The following ATP13A5 variants were observed in gnomAD, a reference collection of about 807,000 sequenced individuals.
ATP13A5 encodes probable cation-transporting ATPase 13A5.
Under a neutral mutation model 150.2 loss-of-function variants are expected in ATP13A5, and 149 were observed. That is an observed-to-expected ratio of 0.99 (90% confidence interval 0.87 to 1.14). The LOEUF is 1.14. Among genes scored for constraint, ATP13A5 ranks in the 50% most tolerant of loss-of-function variants. The probability of loss-of-function intolerance (pLI) is 0.00; values close to 1 mark genes in which losing one functional copy is unlikely to be tolerated. For missense variants in ATP13A5, 1,383 were observed against 1,449.3 expected, an observed-to-expected ratio of 0.95 and a Z score of 0.74; for synonymous variants, 497 against 522.2, an observed-to-expected ratio of 0.95 and a Z score of 0.66.
chr3:193,286,379 G>A (rs1717723151), intron 26 of ATP13A5, among the ~76,000 whole-genome samples: 2 of 151,948 alleles, frequency 1.3e-5, no homozygotes, highest in Admixed American at 6.6e-5. Flanking sequence ...TCTACAAATT[G>A]AATGTTTGTG....
intron 19 of ATP13A5, 74 bp downstream of exon 19, chr3:193,313,959 G>A (rs1718946377): frequency 1.3e-6 from 2 of 1,511,190 alleles, no homozygotes; most frequent in Admixed American, 1.9e-5. Context: ...CTGGAGTTGA[G>A]AGAAGGCTGA....
intron 17 of ATP13A5, among the ~76,000 whole-genome samples, chr3:193,317,133 T>G (rs919456530): frequency 6.6e-6 from 1 of 152,216 alleles, no homozygotes; most frequent in Non-Finnish European, 1.5e-5. Flanking sequence ...AAAGCTTTTG[T>G]ACCCACCATT....
intron 27 of ATP13A5, 121 bp from the exon 28 acceptor site, chr3:193,279,575 TATATCCTC>T (rs1201682177): frequency 1.4e-6 from 1 of 694,172 alleles, no homozygotes; most frequent in Admixed American, 2.4e-5. Flanking sequence ...GATGTTTTGA[TATATCCTC>T]ATATGTTTTG....
intron 1 of ATP13A5, among the ~76,000 whole-genome samples, chr3:193,378,235 T>C (rs1375800900): frequency 6.6e-6 from 1 of 152,170 alleles, no homozygotes; most frequent in Non-Finnish European, 1.5e-5. Context: ...ATAAAAAGCA[T>C]GACTTCAGCC....
At chr3:193,298,580 C>T (rs1013283136) in intron 25 of ATP13A5, among the ~76,000 whole-genome samples, 8 of 152,110 alleles carry the variant, frequency 5.3e-5, no homozygotes, top group African/African-American at 1.9e-4. Flanking sequence ...TCTGGTGAGG[C>T]AGTCACCTTT....
intron 27 of ATP13A5, among the ~76,000 whole-genome samples, chr3:193,282,119 C>G (rs367574968): frequency 6.6e-6 from 1 of 151,784 alleles, no homozygotes; most frequent in Non-Finnish European, 1.5e-5. Context: ...TGCTTGATCC[C>G]GGGAGGTGAA....
Position 193,301,299 on chromosome 3 carries a change from CG to C in ATP13A5, c.2686del (p.Arg896GlufsTer14). On this transcript the variant is annotated frameshift_variant, in exon 24 of 30. Coordinates refer to ENST00000342358, the MANE Select transcript of ATP13A5 (RefSeq NM_198505.4). LOFTEE classifies it high-confidence loss of function. ...QCVPHLIREGRAALVSSFGVF... is the reference protein window; with the variant it reads ...QCVPHLIREGXAALVSSFGVF... The stretch of plus-strand genomic sequence containing the variant: ...TCCAAAGGATGAAACCAGAGCAGCT[CG>C]GCCTTCTCTGTTTAAAAAGAAATAA... 1 of 1,609,512 alleles carries C rather than the reference CG, an allele frequency of 6.2e-7. No homozygotes were observed.
chr3:193,322,079 G>C (rs1005954585), intron 15 of ATP13A5, among the ~76,000 whole-genome samples: 3 of 152,144 alleles, frequency 2.0e-5, no homozygotes, highest in Non-Finnish European at 2.9e-5. Flanking sequence ...CAAGCTCACA[G>C]GTCATCTCCT....
rs144060676 is a variant in ATP13A5, at chr3:193,362,594, T to G, written c.428A>C (p.Asp143Ala). ...EVQKIRYVWN[D>A]LEKRFQKVGL... ...AACTTTCTGAAACCGCTTCTCCAGG[T>G]CGTTCCAAACATACCTGATTTTCTG... The change falls in exon 4 of 30, where the codon GAC (aspartate) becomes GCC (alanine). Residue 143 changes from aspartate to alanine, a missense_variant. Transcript: ENST00000342358. 46 of 1,614,064 alleles carry G rather than the reference T, an allele frequency of 2.8e-5. No homozygotes were observed. Among genetic ancestry groups the G allele is most frequent in the Non-Finnish European group, 1.3e-5 (15 of 1,180,020 alleles).
At chr3:193,340,716 CT>C (rs1256319527) in intron 9 of ATP13A5, among the ~76,000 whole-genome samples, 1 of 152,170 alleles carries the variant, frequency 6.6e-6, no homozygotes, top group African/African-American at 2.4e-5. Context: ...GACAAAATGC[CT>C]GTATTTAAGG....
intron 2 of ATP13A5, 59 bp from the exon 3 acceptor site, chr3:193,363,441 C>G: frequency 6.8e-7 from 1 of 1,468,746 alleles, no homozygotes; most frequent in Non-Finnish European, 9.3e-7. Context: ...GGTGCTCAAT[C>G]AACCAAATAC....
chr3:193,370,275 T>C (rs764659408), intron 1 of ATP13A5, among the ~76,000 whole-genome samples: 36 of 152,216 alleles, frequency 2.4e-4, no homozygotes, highest in Non-Finnish European at 4.6e-4. Flanking sequence ...AAATCGCAAC[T>C]TAGAGCCAGG....
At chr3:193,331,080 C>G (rs753940986) in intron 12 of ATP13A5, 43 bp downstream of exon 12, 3 of 1,575,666 alleles carry the variant, frequency 1.9e-6, no homozygotes, top group Non-Finnish European at 2.6e-6. Context: ...CTCCACCATG[C>G]CTTGAAATCA....
At chr3:193,328,426 T>A (rs980994764) in intron 12 of ATP13A5, among the ~76,000 whole-genome samples, 9 of 152,206 alleles carry the variant, frequency 5.9e-5, no homozygotes, top group African/African-American at 2.2e-4. Flanking sequence ...GGTTTCCAAA[T>A]CCCCTCAAGT....
intron 26 of ATP13A5, among the ~76,000 whole-genome samples, chr3:193,285,439 G>A (rs1358281503): frequency 2.0e-5 from 3 of 152,072 alleles, no homozygotes; most frequent in African/African-American, 7.2e-5. Flanking sequence ...TTTCTCTTTC[G>A]TGGACTAAAC....
At chr3:193,333,535 C>T (rs969990240) in intron 11 of ATP13A5, among the ~76,000 whole-genome samples, 2 of 152,240 alleles carry the variant, frequency 1.3e-5, no homozygotes, top group Non-Finnish European at 2.9e-5. Flanking sequence ...AACCAGAACA[C>T]ATGGGAAACC....
At chr3:193,298,186 T>A (rs1718248907) in intron 25 of ATP13A5, among the ~76,000 whole-genome samples, 1 of 152,146 alleles carries the variant, frequency 6.6e-6, no homozygotes, top group African/African-American at 2.4e-5. Flanking sequence ...CTTGGTGTTT[T>A]TTTTCTCTTT....
intron 21 of ATP13A5, among the ~76,000 whole-genome samples, chr3:193,308,235 G>A (rs533197313): frequency 7.9e-5 from 12 of 152,260 alleles, no homozygotes; most frequent in Admixed American, 5.9e-4. Flanking sequence ...TGAGGCAGGC[G>A]GATCTTGAGG....
intron 8 of ATP13A5, 52 bp downstream of exon 8, chr3:193,344,951 A>G (rs1341162552): frequency 6.7e-7 from 1 of 1,487,232 alleles, no homozygotes; most frequent in Non-Finnish European, 9.4e-7. Flanking sequence ...AAATGAGACC[A>G]ATTCCCCCCT....
Sources: allele counts gnomAD v4.1 joint callset (sites outside exome capture counted in the v4.1 genomes callset), GRCh38; gene constraint gnomAD v4.1.1; transcripts MANE v1.5; gene names NCBI Gene and HGNC (gene_info 2026-07-23, HGNC 2026-07-21).